The following ERICH3 variants were observed in gnomAD, a reference collection of about 807,000 sequenced individuals.
The protein encoded by ERICH3 is glutamate rich 3.
Under a neutral mutation model 131.1 loss-of-function variants are expected in ERICH3, and 126 were observed. The ratio of observed to expected loss-of-function variants is 0.96; its 90% CI spans 0.83 to 1.11. The LOEUF is 1.11. Among genes scored for constraint, ERICH3 ranks in the 50% most tolerant of loss-of-function variants. ERICH3 has a pLI of 0.00. For synonymous variants in ERICH3, 695 were observed against 644.6 expected (o/e 1.08, Z -1.18); for missense variants, 2,050 against 1,810.7 (o/e 1.13, Z -2.40).
intron 9 of ERICH3, among the ~76,000 whole-genome samples, chr1:74,608,542 A>G (rs1188928350): frequency 1.3e-5 from 2 of 152,098 alleles, no homozygotes; most frequent in Non-Finnish European, 2.9e-5. Context: ...AGCCATCTGC[A>G]GCGTAGAAAT....
intron 12 of ERICH3, chr1:74,579,956 T>A (rs1036921991): frequency 8.1e-6 from 7 of 859,762 alleles, no homozygotes; most frequent in African/African-American, 1.8e-5. Context: ...CTTTAAGGTA[T>A]TTTTTTAAAT....
At position 74,643,057 on chromosome 1, in the gene ERICH3, T is replaced by C. The variant is rs1646449923; in HGVS notation, c.285A>G (p.Leu95=). 1.2e-6 allele frequency: 2 copies of C among 1,611,370 alleles called. No homozygotes were observed. The change falls in exon 4 of 15, where the codon TTA becomes TTG. Residue 95 remains leucine, a synonymous_variant. Transcript: ENST00000326665. The stretch of plus-strand genomic sequence containing the variant: ...ACCTCTGGATTCGCTCCTTCCTAGC[T>C]AAGGTCTCCAATTTCTTTTTTATTT... ...QLEIKKKLET[L]ARKERIQRFK...
rs11580409 is a variant in ERICH3 at position 74,572,544 on chromosome 1, A to C, written c.3166T>G (p.Leu1056Val). ...RKEILPKELD[L>V]ARERRKAERP... ...TCAGCTTTCCTTCGCTCTCTTGCTA[A>C]ATCTAATTCCTTGGGTAAAATTTCT... The change falls in exon 14 of 15, where the codon TTA becomes GTA. Residue 1056 changes from leucine to valine, a missense_variant. Physicochemically the swap from Leu to Val is conservative, Grantham distance 32. Transcript: ENST00000326665. 603,191 of 1,613,520 alleles carry C rather than the reference A, an allele frequency of 0.37. 114,615 individuals are homozygous for C. Among genetic ancestry groups the C allele is most frequent in the East Asian group, 0.57 (25,543 of 44,822 alleles).
intron 8 of ERICH3, 54 bp downstream of exon 8, chr1:74,620,680 T>C (rs778440152): frequency 2.2e-5 from 31 of 1,400,296 alleles, no homozygotes; most frequent in Non-Finnish European, 2.9e-5. Context: ...CAACAGCAGC[T>C]TATCTATAAC....
intron 1 of ERICH3, among the ~76,000 whole-genome samples, chr1:74,662,205 T>A (rs1429081506): frequency 1.3e-5 from 2 of 152,148 alleles, no homozygotes; most frequent in Non-Finnish European, 2.9e-5. Flanking sequence ...GCCAGTCTCC[T>A]CACCAAGGAT....
intron 11 of ERICH3, chr1:74,591,773 A>T (rs1647617452): frequency 6.6e-6 from 1 of 152,190 alleles, no homozygotes; most frequent in African/African-American, 2.4e-5. Flanking sequence ...CAGGCCAGAG[A>T]AATACAATCT....
At position 74,571,166 on chromosome 1, in the gene ERICH3, T is replaced by C; in HGVS notation, c.4544A>G (p.Gln1515Arg). The part of the protein sequence containing the change: ...ETREKQQHMV[Q>R]GESETADVSP... ...AACATCTGCAGTCTCGCTTTCTCCT[T>C]GCACCATATGCTGTTGCTTCTCTCG... The change falls in exon 14 of 15, where the codon CAA becomes CGA. Residue 1515 changes from glutamine (Q) to arginine (R), a missense_variant. Physicochemically the swap from Gln to Arg is conservative, Grantham distance 43. Coordinates refer to ENST00000326665, the MANE Select transcript of ERICH3 (RefSeq NM_001002912.5). 1.2e-6 allele frequency: 2 copies of C among 1,614,150 alleles called. No individual in the cohort carries two copies. Among genetic ancestry groups the C allele is most frequent in the Non-Finnish European group, 1.7e-6 (2 of 1,180,008 alleles).
At chr1:74,583,693 C>T (rs1033870921) in intron 12 of ERICH3, among the ~76,000 whole-genome samples, 2 of 152,160 alleles carry the variant, frequency 1.3e-5, no homozygotes, top group African/African-American at 2.4e-5. Context: ...AAATGGTTTA[C>T]GCCCTGAAAC....
chr1:74,656,425 C>A (rs1330834757), intron 1 of ERICH3, among the ~76,000 whole-genome samples: 1 of 152,138 alleles, frequency 6.6e-6, no homozygotes, highest in African/African-American at 2.4e-5. Flanking sequence ...GAAACAACTC[C>A]ATCACAAAAT....
intron 4 of ERICH3, among the ~76,000 whole-genome samples, chr1:74,641,754 A>C (rs1646439705): frequency 6.6e-6 from 1 of 152,146 alleles, no homozygotes; most frequent in African/African-American, 2.4e-5. Flanking sequence ...TGCGATCAGT[A>C]GACTACCAGA....
intron 12 of ERICH3, among the ~76,000 whole-genome samples, chr1:74,581,702 A>G (rs1647186079): frequency 6.6e-6 from 1 of 152,204 alleles, no homozygotes; most frequent in South Asian, 2.1e-4. Context: ...AAATTATATT[A>G]ATCATTTTTT....
At position 74,571,961 on chromosome 1, in the gene ERICH3, G is replaced by A; in HGVS notation, c.3749C>T (p.Ser1250Phe). The change falls in exon 14 of 15, where the codon TCC becomes TTC. Residue 1250 changes from serine to phenylalanine, a missense_variant. Ser to Phe is a radical substitution (Grantham distance 155, BLOSUM62 -2). Transcript: ENST00000326665. ...AGCTCTCCCCTCCAGTCCTGCGCAG[G>A]AGTCGTGATCTTTGGCTGCTAGCTC... ...AEELAAKDHD[S>F]CAGLEGRAEG... 6.2e-7 allele frequency: 1 copy of A among 1,613,810 alleles called. No homozygotes were observed. The highest frequency in any genetic ancestry group is 8.5e-7 in the Non-Finnish European group (1 of 1,180,016).
intron 1 of ERICH3, among the ~76,000 whole-genome samples, chr1:74,668,792 T>C (rs1167245067): frequency 6.6e-6 from 1 of 152,176 alleles, no homozygotes; most frequent in East Asian, 1.9e-4. Context: ...ACAATCAATT[T>C]ACTCCTTAAT....
intron 1 of ERICH3, among the ~76,000 whole-genome samples, chr1:74,670,302 C>T (rs547050160): frequency 1.3e-5 from 2 of 152,104 alleles, no homozygotes; most frequent in South Asian, 4.2e-4. Context: ...TATTTAGGCT[C>T]CTGCACATCT....
chr1:74,582,833 A>G (rs1647202514), intron 12 of ERICH3, among the ~76,000 whole-genome samples: 1 of 152,176 alleles, frequency 6.6e-6, no homozygotes, highest in African/African-American at 2.4e-5. Flanking sequence ...TTTACCATAA[A>G]CTTTGATTTA....
Position 74,666,869 on chromosome 1 carries a change from G to C in ERICH3, c.23+6628C>G, listed in dbSNP as rs141919591. 1.2e-3 allele frequency among the ~76,000 whole-genome samples: 190 copies of C among 152,236 alleles called. 1 individual carries two copies. The highest frequency in any genetic ancestry group is 4.5e-3 in the African/African-American group (185 of 41,548). On this transcript the variant is annotated intron_variant, in intron 1 of 14. Transcript: ENST00000326665. Reference sequence around the variant, plus strand: ...TTCAATGTACTATTCAGCAATTTTTGTATGCTGAAGTTTTAGAACCATGGA... The same window carrying C: ...TTCAATGTACTATTCAGCAATTTTTCTATGCTGAAGTTTTAGAACCATGGA...
chr1:74,572,371 T>C lies in ERICH3; in HGVS notation c.3339A>G (p.Glu1113=), dbSNP rs1370182412. The part of the protein sequence containing the change: ...GETETEVRAE[E]ETKAPPNEMG... Reference sequence around the variant, plus strand: ...TTTCATTTGGGGGAGCTTTTGTCTCTTCCTCAGCTCTTACTTCTGTCTCTG... The same window carrying C: ...TTTCATTTGGGGGAGCTTTTGTCTCCTCCTCAGCTCTTACTTCTGTCTCTG... Residue 1113 remains glutamate (E), a synonymous_variant, in exon 14 of 15, where the codon GAA becomes GAG. Transcript: ENST00000326665. 1.9e-6 allele frequency: 3 copies of C among 1,613,830 alleles called. No homozygotes were observed. Among genetic ancestry groups the C allele is most frequent in the East Asian group, 4.5e-5 (2 of 44,876 alleles).
chr1:74,652,470 A>T (rs950128182), intron 1 of ERICH3, among the ~76,000 whole-genome samples: 1 of 152,018 alleles, frequency 6.6e-6, no homozygotes, highest in Non-Finnish European at 1.5e-5. Flanking sequence ...ACACAAACTC[A>T]GGTTAGCAGA....
At chr1:74,612,830 C>A (rs1249644537) in intron 8 of ERICH3, 21 bp from the exon 9 acceptor site, 2 of 1,542,302 alleles carry the variant, frequency 1.3e-6, no homozygotes, top group Non-Finnish European at 1.8e-6. Context: ...AATAGAAATA[C>A]ATTAGTGAAA....
Sources: gnomAD v4.1 joint callset for allele counts (sites outside exome capture counted in the v4.1 genomes callset) on GRCh38, gnomAD v4.1.1 for gene constraint, MANE v1.5 for transcripts, NCBI Gene and HGNC (gene_info 2026-07-23, HGNC 2026-07-21) for gene names.